Variants in TENM2 observed in about 807,000 individuals in gnomAD.
TENM2 encodes the protein teneurin-2.
TENM2 carries 52 observed loss-of-function variants against 245.2 expected under a neutral mutation model. The ratio of observed to expected loss-of-function variants is 0.21; its 90% confidence interval spans 0.17 to 0.27. The LOEUF is 0.27. Among genes scored for constraint, TENM2 ranks in the 10% least tolerant of loss-of-function variants. The pLI is 1.00. For missense variants in TENM2, 3,046 were observed against 3,666.8 expected (o/e 0.83, Z 4.37); for synonymous variants, 1,363 against 1,438.9 (o/e 0.95, Z 1.19).
chr5:167,359,576 A>T (rs1162460297), intron 1 of TENM2, among the ~76,000 whole-genome samples: 2 of 151,764 alleles, frequency 1.3e-5, no homozygotes, highest in Non-Finnish European at 2.9e-5. Context: ...GTTTAATTAG[A>T]TTCCATTTGT....
intron 5 of TENM2, among the ~76,000 whole-genome samples, chr5:168,001,042 T>C (rs959418738): frequency 1.3e-5 from 2 of 151,262 alleles, no homozygotes; most frequent in African/African-American, 4.9e-5. Flanking sequence ...AGGCAATCAG[T>C]ACATATTTGT....
chr5:167,459,589 A>G (rs1197219625), intron 2 of TENM2, among the ~76,000 whole-genome samples: 5 of 152,240 alleles, frequency 3.3e-5, no homozygotes, highest in Non-Finnish European at 7.3e-5. Context: ...AGGAATCGTC[A>G]TACTATTTTC....
intron 2 of TENM2, among the ~76,000 whole-genome samples, chr5:167,705,880 C>A (rs183344553): frequency 1.1e-3 from 162 of 150,728 alleles, no homozygotes; most frequent in Non-Finnish European, 1.7e-3. Context: ...TCCTTTATAT[C>A]TGGCTTATTT....
intron 2 of TENM2, among the ~76,000 whole-genome samples, chr5:167,427,012 G>C (rs1471949914): frequency 6.6e-6 from 1 of 151,966 alleles, no homozygotes; most frequent in South Asian, 2.1e-4. Flanking sequence ...ACATGGCAGG[G>C]GTGAAAGAAC....
intron 2 of TENM2, among the ~76,000 whole-genome samples, chr5:167,578,869 G>C (rs1427764027): frequency 6.6e-6 from 1 of 152,112 alleles, no homozygotes; most frequent in African/African-American, 2.4e-5. Flanking sequence ...CATATAAGCT[G>C]TTTTCTTTTC....
At chr5:167,469,457 A>G (rs1038488389) in intron 2 of TENM2, among the ~76,000 whole-genome samples, 1 of 152,154 alleles carries the variant, frequency 6.6e-6, no homozygotes, top group Non-Finnish European at 1.5e-5. Context: ...TAAATGCAAT[A>G]TGTTAGACAC....
chr5:167,841,800 C>T (rs1769540114), intron 2 of TENM2, among the ~76,000 whole-genome samples: 1 of 152,252 alleles, frequency 6.6e-6, no homozygotes. Context: ...GTTATCTTTT[C>T]CCTTTCGTCC....
intron 2 of TENM2, among the ~76,000 whole-genome samples, chr5:167,594,254 C>T (rs1776055738): frequency 6.6e-6 from 1 of 152,118 alleles, no homozygotes; most frequent in Non-Finnish European, 1.5e-5. Flanking sequence ...CTGTCTTTAG[C>T]CATAGAAGTT....
intron 2 of TENM2, among the ~76,000 whole-genome samples, chr5:167,392,009 AG>A (rs1172972123): frequency 6.6e-6 from 1 of 152,114 alleles, no homozygotes; most frequent in Non-Finnish European, 1.5e-5. Context: ...TGCAGAAGGT[AG>A]TTCTTTGTTC....
intron 1 of TENM2, among the ~76,000 whole-genome samples, chr5:167,310,298 G>A (rs1205940698): frequency 6.6e-6 from 1 of 152,146 alleles, no homozygotes; most frequent in Non-Finnish European, 1.5e-5. Flanking sequence ...CATTTTCTTA[G>A]CATATTCGGA....
At chr5:167,207,729 C>T in the TENM2 span, among the ~76,000 whole-genome samples, 1 of 152,218 alleles carries the variant, frequency 6.6e-6, no homozygotes, top group East Asian at 1.9e-4. Flanking sequence ...TAAAGGGCTG[C>T]ACTGTTTACT....
chr5:167,545,625 A>G (rs940818508), intron 2 of TENM2, among the ~76,000 whole-genome samples: 5 of 152,226 alleles, frequency 3.3e-5, no homozygotes, highest in Admixed American at 6.5e-5. Flanking sequence ...CATTAACAAA[A>G]ACCACTTACA....
At chr5:167,122,201 CT>C in the TENM2 span, among the ~76,000 whole-genome samples, 1 of 151,962 alleles carries the variant, frequency 6.6e-6, no homozygotes, top group Admixed American at 6.6e-5. Flanking sequence ...TTTTTGAGAC[CT>C]AAGGTCCCAA....
chr5:167,559,635 C>T lies in TENM2; in HGVS notation c.502+184162C>T, dbSNP rs151036379. 1.6e-4 allele frequency among the ~76,000 whole-genome samples: 25 copies of T among 152,198 alleles called. No individual in the cohort carries two copies. In the East Asian group the frequency reaches 3.5e-3, roughly 21 times the overall value. On this transcript the variant is annotated intron_variant, in intron 2 of 28. Transcript: ENST00000518659. ...AGTTTTTTTCCTTGTTAAATACATGCGTGGCCCATTGCAGCTCCACAGCCA... is the reference window on the plus strand; with the variant it reads ...AGTTTTTTTCCTTGTTAAATACATGTGTGGCCCATTGCAGCTCCACAGCCA...
chr5:167,525,845 G>A (rs1364071923), intron 2 of TENM2, among the ~76,000 whole-genome samples: 3 of 152,156 alleles, frequency 2.0e-5, no homozygotes, highest in Middle Eastern at 6.8e-3. Context: ...CATTCCTAAC[G>A]ACTATCTTCA....
chr5:167,549,739 GT>G (rs1772809602), intron 2 of TENM2, among the ~76,000 whole-genome samples: 1 of 152,040 alleles, frequency 6.6e-6, no homozygotes, highest in Non-Finnish European at 1.5e-5. Context: ...ACTTTGTGAT[GT>G]GTTAGCTGTT....
At chr5:168,047,182 C>T (rs565311545) in intron 5 of TENM2, among the ~76,000 whole-genome samples, 9 of 152,222 alleles carry the variant, frequency 5.9e-5, no homozygotes, top group South Asian at 4.1e-4. Context: ...TTTCTCCTCC[C>T]TCCTCCGCTC....
intron 6 of TENM2, among the ~76,000 whole-genome samples, chr5:168,048,743 T>C (rs1283350741): frequency 2.0e-5 from 3 of 152,186 alleles, no homozygotes; most frequent in Non-Finnish European, 4.4e-5. Flanking sequence ...TCAATTATCC[T>C]CCCCAGAGCT....
chr5:168,006,419 A>C (rs1784825425), intron 5 of TENM2, among the ~76,000 whole-genome samples: 1 of 152,182 alleles, frequency 6.6e-6, no homozygotes, highest in Non-Finnish European at 1.5e-5. Flanking sequence ...TGTAGAAAAG[A>C]ATTTTGATTT....
Sources: gnomAD v4.1 joint callset for allele counts (sites outside exome capture counted in the v4.1 genomes callset) on GRCh38, gnomAD v4.1.1 for gene constraint, MANE v1.5 for transcripts, NCBI Gene and HGNC (gene_info 2026-07-23, HGNC 2026-07-21) for gene names.